IL2RA: variants seen among roughly 807,000 people sequenced by gnomAD.
The protein encoded by IL2RA is interleukin 2 receptor subunit alpha.
A neutral mutation model predicts 37.8 loss-of-function variants in IL2RA; 24 were observed. The ratio of observed to expected loss-of-function variants is 0.63; its 90% CI spans 0.46 to 0.89. The LOEUF (loss-of-function observed/expected upper bound fraction) is 0.89, where lower values mean the gene tolerates loss of function less well. Among genes scored for constraint, IL2RA ranks in the 40% least tolerant of loss-of-function variants. The pLI is 0.00. For synonymous variants in IL2RA, 125 were observed against 114.6 expected (o/e 1.09, Z -0.58); for missense variants, 319 against 348.6 (o/e 0.92, Z 0.68).
At chr10:6,016,508 G>T (rs1273033506) in intron 7 of IL2RA, among the ~76,000 whole-genome samples, 1 of 113,184 alleles carries the variant, frequency 8.8e-6, no homozygotes, top group Non-Finnish European at 1.8e-5. Flanking sequence ...TTAAAAATAC[G>T]TACTGATGTC....
At chr10:6,050,833 G>A (rs923398509) in intron 1 of IL2RA, among the ~76,000 whole-genome samples, 2 of 152,184 alleles carry the variant, frequency 1.3e-5, no homozygotes, top group Non-Finnish European at 2.9e-5. Context: ...AGGTCCTCTT[G>A]CACTAGATTG....
chr10:6,017,572 A>ATTTTTTTTTTTTTTTTTTT (rs71390109), intron 7 of IL2RA, among the ~76,000 whole-genome samples: 1 of 104,860 alleles, frequency 9.5e-6, no homozygotes. Context: ...TGGTCGTTTA[A>ATTTTTTTTTTTTTTTTTTT]TTTTTTTTTT....
rs1317625252 is a variant in IL2RA, at chr10:6,029,214, G to C, written c.65-3189C>G. Among the ~76,000 whole-genome samples the C allele has an allele frequency of 6.6e-6, 1 of 150,988 alleles. No individual in the cohort carries two copies. The highest frequency in any genetic ancestry group is 1.5e-5 in the Non-Finnish European group (1 of 67,836). On this transcript the variant is annotated intron_variant, in intron 1 of 7. Transcript: ENST00000379959. This position sits in a 1 kb window ranked among gnomAD's most constrained non-coding sequence, Gnocchi z 4.6. ...AGTTTCGCTCTTGTTGCCCAGGCTGGAGTGCAATGGTGCAATCTTGACTCA... is the reference window on the plus strand; with the variant it reads ...AGTTTCGCTCTTGTTGCCCAGGCTGCAGTGCAATGGTGCAATCTTGACTCA...
rs956203917 is a variant in IL2RA at position 6,045,857 on chromosome 10, G to A, written c.64+16231C>T. Among the ~76,000 whole-genome samples the A allele has an allele frequency of 2.0e-5, 3 of 152,096 alleles. No homozygotes were observed. In the East Asian group the frequency reaches 5.8e-4, roughly 29 times the overall value. Reference sequence around the variant, plus strand: ...AATAAGTAAGTATAACTTACAGGTAGAAACTTGACAAGAGGGAAACAGAAA... The same window carrying A: ...AATAAGTAAGTATAACTTACAGGTAAAAACTTGACAAGAGGGAAACAGAAA... On this transcript the variant is annotated intron_variant, in intron 1 of 7. Transcript: ENST00000379959.
Position 6,019,909 on chromosome 10 carries a change from G to T in IL2RA, c.616C>A (p.Arg206Ser), listed in dbSNP as rs1438968487. 1.2e-6 allele frequency: 2 copies of T among 1,614,022 alleles called. No homozygotes were observed. The highest frequency in any genetic ancestry group is 3.3e-5 in the Admixed American group (2 of 60,000). ...AGGCAGGAAGTCTCACTCTCAGGAC[G>T]GCCTTCGGGGCTTGCCTGAGGCTTC... ...EEKPQASPEGRPESETSCLVT... is the reference protein window; with the variant it reads ...EEKPQASPEGSPESETSCLVT... Residue 206 changes from arginine to serine, a missense_variant, in exon 5 of 8, where the codon CGT (arginine) becomes AGT (serine). Transcript: ENST00000379959.
In IL2RA at chr10:6,014,414, T is replaced by TAGACTAGAGGG. The variant is rs1333712190; in HGVS notation, c.795-1519_795-1518insCCCTCTAGTCT. Among the ~76,000 whole-genome samples the TAGACTAGAGGG allele has an allele frequency of 6.6e-6, 1 of 152,218 alleles. No individual in the cohort carries two copies. Among genetic ancestry groups the TAGACTAGAGGG allele is most frequent in the Non-Finnish European group, 1.5e-5 (1 of 68,030 alleles). On this transcript the variant is annotated intron_variant, in intron 7 of 7. Coordinates refer to ENST00000379959, the MANE Select transcript of IL2RA (RefSeq NM_000417.3). This position sits in a 1 kb window ranked among gnomAD's most constrained non-coding sequence, Gnocchi z 4.4. ...ACTGACTAGAGGGGTCATTTCTAGA[T>TAGACTAGAGGG]GTATGTTTGAGTCTCCCCAAAGATT... is the stretch of plus-strand genomic sequence containing the variant.
chr10:6,052,593 G>A (rs1377867831), intron 1 of IL2RA, among the ~76,000 whole-genome samples: 1 of 152,092 alleles, frequency 6.6e-6, no homozygotes, highest in East Asian at 1.9e-4. Flanking sequence ...TGCCTGTACT[G>A]CTGTAGCAAC....
At position 6,015,598 on chromosome 10, in the gene IL2RA, T is replaced by C. The variant is rs1839262572; in HGVS notation, c.794+2455A>G. 6.6e-6 allele frequency among the ~76,000 whole-genome samples: 1 copy of C among 152,212 alleles called. No individual in the cohort carries two copies. The highest frequency in any genetic ancestry group is 2.1e-4 in the South Asian group (1 of 4,830). ...ATTCTTTCAACAAATGTTTTTAAGT[T>C]GACACATAATAGTTATATATATTTA... On this transcript the variant is annotated intron_variant, in intron 7 of 7. Transcript: ENST00000379959. The surrounding 1 kb of genome is among the most constrained non-coding windows in gnomAD (Gnocchi z 4.9).
chr10:6,045,745 A>C (rs1346330177), intron 1 of IL2RA, among the ~76,000 whole-genome samples: 2 of 152,182 alleles, frequency 1.3e-5, no homozygotes, highest in East Asian at 3.8e-4. Flanking sequence ...TTCTGCAAGG[A>C]GAGAGACTCT....
intron 1 of IL2RA, among the ~76,000 whole-genome samples, chr10:6,034,996 C>A (rs1272618714): frequency 6.6e-6 from 1 of 152,170 alleles, no homozygotes; most frequent in Admixed American, 6.5e-5. Flanking sequence ...TGCCTATGGA[C>A]TGTGGGAAAA....
chr10:6,038,527 G>A (rs1445106244), intron 1 of IL2RA, among the ~76,000 whole-genome samples: 1 of 152,228 alleles, frequency 6.6e-6, no homozygotes, highest in Admixed American at 6.5e-5. Flanking sequence ...GGTTCAGAGA[G>A]ATTAAGTAAG....
chr10:6,048,375 A>G lies in IL2RA; in HGVS notation c.64+13713T>C, dbSNP rs1420021330. ...TTCATTGAGATAGCAAAGAGAGGAGAAAGAGTAGGTTCCAGGGAGGGAGGA... is the reference window on the plus strand; with the variant it reads ...TTCATTGAGATAGCAAAGAGAGGAGGAAGAGTAGGTTCCAGGGAGGGAGGA... On this transcript the variant is annotated intron_variant, in intron 1 of 7. Coordinates refer to ENST00000379959, the MANE Select transcript of IL2RA (RefSeq NM_000417.3). The surrounding 1 kb of genome is among the most constrained non-coding windows in gnomAD (Gnocchi z 5.3). 1.3e-5 allele frequency among the ~76,000 whole-genome samples: 2 copies of G among 152,090 alleles called. No homozygotes were observed. The highest frequency in any genetic ancestry group is 2.9e-5 in the Non-Finnish European group (2 of 68,012).
chr10:6,022,393 G>A lies in IL2RA; in HGVS notation c.368-700C>T, dbSNP rs867091591. On this transcript the variant is annotated intron_variant, in intron 3 of 7. Transcript: ENST00000379959. The surrounding 1 kb of genome is among the most constrained non-coding windows in gnomAD (Gnocchi z 4.7). ...CACCCAACTACATCCCAGGCCTGACGGACCTGTGGCCTGAGACCATGTCTT... is the reference window on the plus strand; with the variant it reads ...CACCCAACTACATCCCAGGCCTGACAGACCTGTGGCCTGAGACCATGTCTT... Among the ~76,000 whole-genome samples, 98 of 152,228 alleles carry A rather than the reference G, an allele frequency of 6.4e-4. No individual in the cohort carries two copies. Among genetic ancestry groups the A allele is most frequent in the African/African-American group, 2.2e-3 (93 of 41,508 alleles).
In IL2RA at chr10:6,012,497, A is replaced by G. The variant is rs1190386036; in HGVS notation, c.*375T>C. 1 of 311,146 alleles carries G rather than the reference A, an allele frequency of 3.2e-6. No homozygotes were observed. Among genetic ancestry groups the G allele is most frequent in the Non-Finnish European group, 6.2e-6 (1 of 162,542 alleles). The allele number at this position is 311,146 out of a possible 1,614,324, so 19.3% of individuals were successfully genotyped here. A position where few individuals can be genotyped will look rare whatever the true frequency, so the allele number is the denominator to read the frequency against. ...TGGGACTCCTGAACTGGGAAGTTGGAATGAGATGAATGTAAACCTACTTTT... is the reference window on the plus strand; with the variant it reads ...TGGGACTCCTGAACTGGGAAGTTGGGATGAGATGAATGTAAACCTACTTTT... On this transcript the variant is annotated 3_prime_UTR_variant, in exon 8 of 8. Coordinates refer to ENST00000379959, the MANE Select transcript of IL2RA (RefSeq NM_000417.3). This position sits in a 1 kb window ranked among gnomAD's most constrained non-coding sequence, Gnocchi z 4.8.
At chr10:6,053,610 T>C (rs1839996356) in intron 1 of IL2RA, among the ~76,000 whole-genome samples, 1 of 152,240 alleles carries the variant, frequency 6.6e-6, no homozygotes, top group African/African-American at 2.4e-5. Context: ...TTCCACGCTC[T>C]TTAGAATAAA....
intron 1 of IL2RA, among the ~76,000 whole-genome samples, chr10:6,059,892 C>T (rs1840097966): frequency 1.3e-5 from 2 of 152,126 alleles, no homozygotes; most frequent in Admixed American, 1.3e-4. Context: ...TCCTCCTCAC[C>T]AGGTTATAAG....
intron 1 of IL2RA, among the ~76,000 whole-genome samples, chr10:6,049,500 T>C (rs1255373853): frequency 6.6e-6 from 1 of 152,214 alleles, no homozygotes; most frequent in Non-Finnish European, 1.5e-5. Context: ...AGTGGACACA[T>C]TGAAATTGAC....
chr10:6,047,162 C>CTGAA lies in IL2RA; in HGVS notation c.64+14922_64+14925dup, dbSNP rs1839875279. On this transcript the variant is annotated intron_variant, in intron 1 of 7. Transcript: ENST00000379959. The surrounding 1 kb of genome is among the most constrained non-coding windows in gnomAD (Gnocchi z 5.0). ...CGCATGCCCTAACCCTGAGGAGGTG[C>CTGAA]TGAACCCTTGCTGATGTGCAGAAGG... Among the ~76,000 whole-genome samples, 1 of 152,202 alleles carries CTGAA rather than the reference C, an allele frequency of 6.6e-6. No homozygotes were observed. Among genetic ancestry groups the CTGAA allele is most frequent in the Admixed American group, 6.5e-5 (1 of 15,282 alleles).
rs1202210399 is a variant in IL2RA, at chr10:6,019,860, T to G, written c.655+10A>C. 6.2e-7 allele frequency: 1 copy of G among 1,613,756 alleles called. No individual in the cohort carries two copies. Among genetic ancestry groups the G allele is most frequent in the African/African-American group, 1.3e-5 (1 of 75,044 alleles). ...GGCCTCTGTGGTCCAGCGTTTGTCTTCTCCCGCACCTGTTGTTGTGACGAG... is the reference window on the plus strand; with the variant it reads ...GGCCTCTGTGGTCCAGCGTTTGTCTGCTCCCGCACCTGTTGTTGTGACGAG... On this transcript the variant is annotated intron_variant, in intron 5 of 7. Coordinates refer to ENST00000379959, the MANE Select transcript of IL2RA (RefSeq NM_000417.3).
Sources: gnomAD v4.1 joint callset for allele counts (sites outside exome capture counted in the v4.1 genomes callset) on GRCh38, gnomAD v4.1.1 for gene constraint, Gnocchi (gnomAD v3.1) non-coding constraint, MANE v1.5 for transcripts, NCBI Gene and HGNC (gene_info 2026-07-23, HGNC 2026-07-21) for gene names.